ADGRG4: variants seen among roughly 807,000 people sequenced by gnomAD.
ADGRG4 encodes G protein-coupled receptor 112.
A neutral mutation model predicts 126.2 loss-of-function variants in ADGRG4; 122 were observed. That is an observed-to-expected ratio of 0.97 (90% CI 0.83 to 1.12). ADGRG4 has a LOEUF of 1.12. Ranked by LOEUF, ADGRG4 falls within the 50% of genes most tolerant of loss-of-function variation. The pLI, the probability that ADGRG4 is intolerant of heterozygous loss-of-function variation, is 0.00. For synonymous variants in ADGRG4, 943 were observed against 838.7 expected, an observed-to-expected ratio of 1.12 and a Z score of -2.15; for missense variants, 2,481 against 2,251.8, an observed-to-expected ratio of 1.10 and a Z score of -2.06.
intron 4 of ADGRG4, among the ~76,000 whole-genome samples, chrX:136,312,022 A>C (rs2074775186): frequency 9.0e-6 from 1 of 111,095 alleles, no homozygotes; most frequent in Non-Finnish European, 1.9e-5. Context: ...AACTAATTCC[A>C]CGAGAAAAGA....
intron 13 of ADGRG4, among the ~76,000 whole-genome samples, chrX:136,366,517 T>C (rs1202219090): frequency 8.9e-6 from 1 of 112,398 alleles, no homozygotes; most frequent in Non-Finnish European, 1.9e-5. Context: ...GGTTTTTGTA[T>C]AGATGTTAAG....
rs202003729 is a variant in ADGRG4 at position 136,413,743 on chromosome X, TTTG to T, written c.9038-414_9038-412del. On this transcript the variant is annotated intron_variant, in intron 24 of 25. Transcript: ENST00000394143. The stretch of plus-strand genomic sequence containing the variant: ...TTGTTTTTTTGTTTTTGTTTTTGTT[TTTG>T]TTTTTTTTTTTGAGACAGAGTCTCG... Among the ~76,000 whole-genome samples the T allele has an allele frequency of 1.2e-3, 63 of 52,661 alleles. 1 individual carries two copies. The highest frequency in any genetic ancestry group is 3.7e-3 in the East Asian group (2 of 541). 45.7% of individuals were successfully genotyped at this position (52,661 alleles called of 115,157 possible).
chrX:136,320,822 G>A (rs1221796655), intron 4 of ADGRG4, among the ~76,000 whole-genome samples: 8 of 111,223 alleles, frequency 7.2e-5, no homozygotes. Flanking sequence ...GGAAGGCTGA[G>A]GTGGGAGGAT....
In ADGRG4 at chrX:136,348,780, C is replaced by T; in HGVS notation, c.5074C>T (p.Pro1692Ser). The T allele has an allele frequency of 8.3e-7, 1 of 1,208,945 alleles. No individual in the cohort carries two copies. The highest frequency in any genetic ancestry group is 1.1e-6 in the Non-Finnish European group (1 of 894,262). The change falls in exon 6 of 26, where the codon CCA (proline) becomes TCA (serine). Residue 1692 changes from proline to serine, a missense_variant. Physicochemically the swap from Pro to Ser is moderately conservative, Grantham distance 74 (BLOSUM62 -1). Transcript: ENST00000394143. Reference protein sequence around the residue: ...SKSTGAISSIPKTTFSPFLSA... With the variant: ...SKSTGAISSISKTTFSPFLSA... Reference sequence around the variant, plus strand: ...GAGCACTGGAGCTATTTCCTCCATTCCAAAGACCACATTTTCACCATTTCT... The same window carrying T: ...GAGCACTGGAGCTATTTCCTCCATTTCAAAGACCACATTTTCACCATTTCT...
At chrX:136,301,552 A>T (rs1228790359) in intron 1 of ADGRG4, among the ~76,000 whole-genome samples, 5 of 111,671 alleles carry the variant, frequency 4.5e-5, no homozygotes, top group Non-Finnish European at 9.4e-5. Flanking sequence ...GTTTACTCTG[A>T]TGGTAGTTTC....
intron 15 of ADGRG4, among the ~76,000 whole-genome samples, chrX:136,377,957 A>G (rs1278811983): frequency 9.2e-6 from 1 of 109,216 alleles, no homozygotes; most frequent in Non-Finnish European, 1.9e-5. Flanking sequence ...TGCTTTGGTT[A>G]TTCTAAGCCT....
chrX:136,348,198 C>T lies in ADGRG4; in HGVS notation c.4492C>T (p.Leu1498Phe). 1 of 1,207,995 alleles carries T rather than the reference C, an allele frequency of 8.3e-7. No individual in the cohort carries two copies. Among genetic ancestry groups the T allele is most frequent in the South Asian group, 1.8e-5 (1 of 56,823 alleles). ...AFSVPNVPTM[L>F]PRESSMATST... ...TTCTGTTCCAAATGTACCTACAATGCTTCCTAGAGAATCCTCTATGGCAAC... is the reference window on the plus strand; with the variant it reads ...TTCTGTTCCAAATGTACCTACAATGTTTCCTAGAGAATCCTCTATGGCAAC... Residue 1498 changes from leucine (L) to phenylalanine (F), a missense_variant, in exon 6 of 26, where the codon CTT (leucine) becomes TTT (phenylalanine). Leu to Phe is a conservative substitution (Grantham distance 22, BLOSUM62 0). Coordinates refer to ENST00000394143, the MANE Select transcript of ADGRG4 (RefSeq NM_153834.4).
intron 25 of ADGRG4, among the ~76,000 whole-genome samples, chrX:136,414,676 G>C (rs1007078150): frequency 8.9e-6 from 1 of 112,327 alleles, no homozygotes; most frequent in Non-Finnish European, 1.9e-5. Context: ...AGTCCAATCC[G>C]TTCATTTTAC....
intron 7 of ADGRG4, 127 bp downstream of exon 7, chrX:136,351,668 G>T: frequency 3.4e-6 from 1 of 290,574 alleles, no homozygotes; most frequent in Non-Finnish European, 6.0e-6. Flanking sequence ...TCACAGCTAA[G>T]TAGTTTTTTT....
At chrX:136,333,616 C>G (rs1483507381) in intron 5 of ADGRG4, among the ~76,000 whole-genome samples, 1 of 111,629 alleles carries the variant, frequency 9.0e-6, no homozygotes, top group Admixed American at 9.5e-5. Flanking sequence ...CTCCTGGATT[C>G]AAGTGATTCA....
In ADGRG4 at chrX:136,363,567, G is replaced by A. The variant is rs1424931775; in HGVS notation, c.7368G>A (p.Val2456=). 4 of 1,166,582 alleles carry A rather than the reference G, an allele frequency of 3.4e-6. No homozygotes were observed. Among genetic ancestry groups the A allele is most frequent in the Admixed American group, 2.2e-5 (1 of 45,651 alleles). Residue 2456 remains valine, a synonymous_variant, in exon 13 of 26, where the codon GTG becomes GTA. Transcript: ENST00000394143. The part of the protein sequence containing the change: ...KLLQELPDKI[V]DLANITISDE... ...TTCAAGAACTTCCTGACAAGATTGT[G>A]GATCTTGCTAATATTACCATAAGTG...
chrX:136,340,716 A>T (rs1428078025), intron 5 of ADGRG4, among the ~76,000 whole-genome samples: 2 of 111,550 alleles, frequency 1.8e-5, no homozygotes, highest in Non-Finnish European at 3.8e-5. Flanking sequence ...AAATTGAGGC[A>T]TTTCTACATA....
At chrX:136,367,719 A>G (rs750399284) in intron 13 of ADGRG4, among the ~76,000 whole-genome samples, 1 of 112,413 alleles carries the variant, frequency 8.9e-6, no homozygotes, top group African/African-American at 3.2e-5. Context: ...TGAATACAAT[A>G]TAAAGGAAAG....
In ADGRG4 at chrX:136,369,826, A is replaced by T. The variant is rs192495917; in HGVS notation, c.7397-1502A>T. Among the ~76,000 whole-genome samples the T allele has an allele frequency of 3.3e-3, 371 of 112,044 alleles. 1 individual carries two copies. The highest frequency in any genetic ancestry group is 0.012 in the African/African-American group (358 of 30,836). The stretch of plus-strand genomic sequence containing the variant: ...GTCCTCCTCCCATCTCCTCAGGGAG[A>T]ACTCTGTCTTTGCTAGTTCAGTTCC... On this transcript the variant is annotated intron_variant, in intron 13 of 25. Coordinates refer to ENST00000394143, the MANE Select transcript of ADGRG4 (RefSeq NM_153834.4).
chrX:136,399,086 A>G (rs1368357943), intron 20 of ADGRG4, among the ~76,000 whole-genome samples: 4 of 112,071 alleles, frequency 3.6e-5, no homozygotes, highest in African/African-American at 9.7e-5. Flanking sequence ...GGTGAAATCT[A>G]TGGGGATAGA....
At position 136,385,808 on chromosome X, in the gene ADGRG4, C is replaced by G. The variant is rs1235784542; in HGVS notation, c.7777-1932C>G. On this transcript the variant is annotated intron_variant, in intron 15 of 25. Coordinates refer to ENST00000394143, the MANE Select transcript of ADGRG4 (RefSeq NM_153834.4). ...AGACACCAACTCTTGATTGGCAGTTCAAATCTCAGTTAATTCCTTTATTCT... is the reference window on the plus strand; with the variant it reads ...AGACACCAACTCTTGATTGGCAGTTGAAATCTCAGTTAATTCCTTTATTCT... Among the ~76,000 whole-genome samples the G allele has an allele frequency of 2.7e-5, 3 of 112,002 alleles. No individual in the cohort carries two copies. In the Admixed American group the frequency reaches 2.8e-4, roughly 11 times the overall value.
intron 1 of ADGRG4, among the ~76,000 whole-genome samples, chrX:136,301,466 C>T (rs1423831255): frequency 2.6e-4 from 29 of 111,626 alleles, no homozygotes; most frequent in South Asian, 3.8e-4. Flanking sequence ...TGTTGGAGTT[C>T]TTTGTAGATT....
chrX:136,392,138 C>T (rs2075322606), intron 16 of ADGRG4, 94 bp from the exon 17 acceptor site: 1 of 740,396 alleles, frequency 1.4e-6, no homozygotes, highest in Non-Finnish European at 1.9e-6. Flanking sequence ...CTGTACCTAA[C>T]ATTGTGTGTA....
At chrX:136,338,197 G>T (rs1341467855) in intron 5 of ADGRG4, among the ~76,000 whole-genome samples, 1 of 102,941 alleles carries the variant, frequency 9.7e-6, no homozygotes, top group Non-Finnish European at 2.0e-5. Flanking sequence ...TCGTTCTGTC[G>T]CCCAGGCTGG....
Sources: allele counts gnomAD v4.1 joint callset (sites outside exome capture counted in the v4.1 genomes callset), GRCh38; gene constraint gnomAD v4.1.1; transcripts MANE v1.5; gene names NCBI Gene and HGNC (gene_info 2026-07-23, HGNC 2026-07-21).